The following SVOP variants were observed in gnomAD, a reference collection of about 807,000 sequenced individuals.
SVOP encodes SV2 related protein.
A neutral mutation model predicts 69.1 loss-of-function variants in SVOP; 17 were observed. That is an observed-to-expected ratio of 0.25 (90% CI 0.17 to 0.37). SVOP has a LOEUF of 0.37. Ranked by LOEUF, SVOP falls within the 10% of genes least tolerant of loss-of-function variation. SVOP has a pLI of 1.00. For missense variants in SVOP, 435 were observed against 597.5 expected (o/e 0.73, Z 2.84); for synonymous variants, 238 against 238.6 (o/e 1.00, Z 0.02).
At chr12:109,003,613 T>A (rs1434615920) in intron 1 of SVOP, among the ~76,000 whole-genome samples, 1 of 152,000 alleles carries the variant, frequency 6.6e-6, no homozygotes, top group African/African-American at 2.4e-5. Context: ...TGCAGTTTTA[T>A]TTATTTATTT....
chr12:108,960,181 G>C (rs1566057633), intron 6 of SVOP, among the ~76,000 whole-genome samples: 1 of 152,210 alleles, frequency 6.6e-6, no homozygotes. Flanking sequence ...AAACTACTCA[G>C]TTCTGTTGCT....
At chr12:108,952,322 AC>A (rs1200631231) in intron 6 of SVOP, among the ~76,000 whole-genome samples, 3 of 146,068 alleles carry the variant, frequency 2.1e-5, no homozygotes, top group African/African-American at 5.0e-5. Context: ...GCAACCTCTA[AC>A]CCCCAGGTTC....
At chr12:108,993,450 C>T (rs2040214498) in intron 1 of SVOP, among the ~76,000 whole-genome samples, 1 of 151,908 alleles carries the variant, frequency 6.6e-6, no homozygotes, top group Non-Finnish European at 1.5e-5. Flanking sequence ...ATCCCTTATC[C>T]AACAAATATC....
At chr12:108,975,601 C>T (rs1004118411) in intron 4 of SVOP, among the ~76,000 whole-genome samples, 4 of 152,170 alleles carry the variant, frequency 2.6e-5, no homozygotes, top group South Asian at 2.1e-4. Context: ...AAACCATTAG[C>T]CTGGCCCAAA....
chr12:109,000,277 T>G (rs1242270991), intron 1 of SVOP, among the ~76,000 whole-genome samples: 1 of 149,656 alleles, frequency 6.7e-6, no homozygotes, highest in Non-Finnish European at 1.5e-5. Context: ...GTTGAATCTC[T>G]GAATAGACCA....
intron 6 of SVOP, among the ~76,000 whole-genome samples, chr12:108,950,619 C>T (rs1313834016): frequency 2.6e-5 from 4 of 151,906 alleles, no homozygotes; most frequent in African/African-American, 2.4e-5. Flanking sequence ...CTGAGTCAAG[C>T]GATCCACCTG....
intron 11 of SVOP, among the ~76,000 whole-genome samples, chr12:108,927,580 T>C (rs866144759): frequency 3.2e-5 from 4 of 123,436 alleles, no homozygotes; most frequent in East Asian, 4.9e-4. Context: ...ACAAAGACTC[T>C]CTCTCTCTCT....
chr12:108,960,801 C>G, intron 6 of SVOP, 122 bp downstream of exon 6: 2 of 1,214,396 alleles, frequency 1.6e-6, no homozygotes, highest in South Asian at 3.4e-5. Context: ...TCCTGGAAGC[C>G]CTGGTATAGC....
intron 1 of SVOP, among the ~76,000 whole-genome samples, chr12:108,996,271 G>A (rs1328859870): frequency 6.6e-6 from 1 of 152,102 alleles, no homozygotes; most frequent in Non-Finnish European, 1.5e-5. Context: ...CTTACGTGTG[G>A]TCCTGGCCAG....
intron 6 of SVOP, among the ~76,000 whole-genome samples, chr12:108,949,165 C>T (rs1285960384): frequency 1.3e-5 from 2 of 152,154 alleles, no homozygotes; most frequent in African/African-American, 2.4e-5. Context: ...TTTAGCAATA[C>T]ATAAGCATGC....
chr12:108,963,276 A>T (rs937907698), intron 5 of SVOP, among the ~76,000 whole-genome samples: 2 of 152,126 alleles, frequency 1.3e-5, no homozygotes, highest in Non-Finnish European at 2.9e-5. Flanking sequence ...TATTAAACTG[A>T]ATTAAAGGAG....
At chr12:108,989,390 G>A in intron 1 of SVOP, among the ~76,000 whole-genome samples, 1 of 151,922 alleles carries the variant, frequency 6.6e-6, no homozygotes, top group South Asian at 2.1e-4. Context: ...GGCGATGTTT[G>A]TGTAAGCGAT....
intron 12 of SVOP, among the ~76,000 whole-genome samples, chr12:108,920,998 G>C (rs2039745178): frequency 6.6e-6 from 1 of 152,166 alleles, no homozygotes; most frequent in Non-Finnish European, 1.5e-5. Flanking sequence ...TTCAGTCAAT[G>C]AGCACCTACT....
intron 2 of SVOP, among the ~76,000 whole-genome samples, chr12:108,980,574 C>A: frequency 6.7e-6 from 1 of 149,736 alleles, no homozygotes; most frequent in African/African-American, 2.5e-5. Context: ...CATGGTGAAA[C>A]CCCGTCTCTA....
chr12:108,997,411 C>G (rs1393322228), intron 1 of SVOP, among the ~76,000 whole-genome samples: 3 of 150,794 alleles, frequency 2.0e-5, no homozygotes, highest in Non-Finnish European at 3.0e-5. Flanking sequence ...CCCAGGCTTG[C>G]TTAGGTAAAC....
intron 13 of SVOP, 59 bp downstream of exon 13, chr12:108,919,616 A>G: frequency 7.1e-7 from 1 of 1,401,554 alleles, no homozygotes; most frequent in Non-Finnish European, 9.8e-7. Flanking sequence ...CTGCACCCAC[A>G]CCTGCACCCA....
intron 1 of SVOP, among the ~76,000 whole-genome samples, chr12:108,998,670 G>T (rs2040250438): frequency 6.6e-6 from 1 of 152,054 alleles, no homozygotes; most frequent in African/African-American, 2.4e-5. Flanking sequence ...CATTCTTAAA[G>T]AAAAGAATTT....
rs1056387013 is a variant in SVOP, at chr12:109,010,143, A to T, written c.35+10691T>A. 1.7e-4 allele frequency among the ~76,000 whole-genome samples: 26 copies of T among 149,562 alleles called. No individual in the cohort carries two copies. In the East Asian group the frequency reaches 1.8e-3, roughly 10 times the overall value. ...TCTCTCTCTCAAAAAAAAAAAAAAAATTTTTTTTTAATTAAATAAATAAGT... is the reference window on the plus strand; with the variant it reads ...TCTCTCTCTCAAAAAAAAAAAAAAATTTTTTTTTTAATTAAATAAATAAGT... On this transcript the variant is annotated intron_variant, in intron 1 of 15. Coordinates refer to ENST00000610966, the MANE Select transcript of SVOP (RefSeq NM_018711.5).
intron 4 of SVOP, among the ~76,000 whole-genome samples, chr12:108,975,775 CT>C (rs2040103155): frequency 6.6e-6 from 1 of 152,160 alleles, no homozygotes; most frequent in African/African-American, 2.4e-5. Context: ...AATCTCGGCT[CT>C]CTGCAAACTC....
Sources: gnomAD v4.1 joint callset for allele counts (sites outside exome capture counted in the v4.1 genomes callset) on GRCh38, gnomAD v4.1.1 for gene constraint, MANE v1.5 for transcripts, NCBI Gene and HGNC (gene_info 2026-07-23, HGNC 2026-07-21) for gene names.